The following CECR2 variants were observed in gnomAD, a reference collection of about 807,000 sequenced individuals.
CECR2 encodes chromatin remodeling regulator CECR2.
A neutral mutation model predicts 154.5 loss-of-function variants in CECR2; 30 were observed. The ratio of observed to expected loss-of-function variants is 0.19; its 90% confidence interval spans 0.15 to 0.26. The LOEUF is 0.26. Ranked by LOEUF, CECR2 falls within the 10% of genes least tolerant of loss-of-function variation. CECR2 has a pLI of 1.00. For synonymous variants in CECR2, 725 were observed against 683.7 expected, an observed-to-expected ratio of 1.06 and a Z score of -0.94; for missense variants, 1,743 against 1,829.3, an observed-to-expected ratio of 0.95 and a Z score of 0.86.
chr22:17,449,470 T>C (rs899621549), intron 1 of CECR2, among the ~76,000 whole-genome samples: 3 of 149,808 alleles, frequency 2.0e-5, no homozygotes, highest in African/African-American at 7.4e-5. Context: ...GCACATCTAA[T>C]TGGTAACCAG....
chr22:17,539,354 T>A (rs887205726), intron 13 of CECR2, among the ~76,000 whole-genome samples: 1 of 152,032 alleles, frequency 6.6e-6, no homozygotes, highest in Non-Finnish European at 1.5e-5. Context: ...TGGAGACCAG[T>A]CTGGGTCTGG....
intron 8 of CECR2, among the ~76,000 whole-genome samples, chr22:17,518,335 C>A (rs777868413): frequency 2.0e-5 from 3 of 152,180 alleles, no homozygotes; most frequent in Non-Finnish European, 2.9e-5. Context: ...GTCTTGAAAG[C>A]AGATGTTAGC....
Position 17,533,742 on chromosome 22 carries a change from G to A in CECR2, c.1109-3361G>A, listed in dbSNP as rs1362773554. Among the ~76,000 whole-genome samples, 5 of 149,574 alleles carry A rather than the reference G, an allele frequency of 3.3e-5. No individual in the cohort carries two copies. The East Asian group carries it at 5.9e-4, about 18-fold the overall frequency. On this transcript the variant is annotated intron_variant, in intron 9 of 18. Transcript: ENST00000262608. ...TTTGTTTGTTTGTTTTTGAGATGAC[G>A]TTTCACCCTTGTTGCCCAGGCTGGA...
chr22:17,444,365 GC>G (rs2054627656), intron 1 of CECR2, among the ~76,000 whole-genome samples: 1 of 152,140 alleles, frequency 6.6e-6, no homozygotes, highest in Admixed American at 6.6e-5. Context: ...AGTGGCTCAT[GC>G]CTGTAATCCC....
chr22:17,423,471 C>T (rs1334204158), intron 1 of CECR2, among the ~76,000 whole-genome samples: 4 of 151,312 alleles, frequency 2.6e-5, no homozygotes, highest in South Asian at 2.1e-4. Context: ...CGCGCCACTG[C>T]ACTCCAGCCT....
At chr22:17,483,747 TAGTATAGCCTA>T (rs2055370569) in intron 2 of CECR2, among the ~76,000 whole-genome samples, 1 of 152,236 alleles carries the variant, frequency 6.6e-6, no homozygotes, top group South Asian at 2.1e-4. Flanking sequence ...AAAATAAACA[TAGTATAGCCTA>T]AGTTTACAGC....
chr22:17,548,755 G>C lies in CECR2; in HGVS notation c.3468G>C (p.Gln1156His). 1 of 1,613,762 alleles carries C rather than the reference G, an allele frequency of 6.2e-7. No homozygotes were observed. ...MGGKSPASHP[Q>H]HFPPRGFQSN... ...GGAAGTCCCCAGCATCCCATCCCCA[G>C]CATTTTCCCCCAAGGGGCTTTCAGT... Residue 1156 changes from glutamine to histidine, a missense_variant, in exon 17 of 19, where the codon CAG becomes CAC. Physicochemically the swap from Gln to His is conservative, Grantham distance 24. This residue lies in a region of CECR2 where 1,250 missense variants were observed against 1,192.1 expected (regional missense o/e 1.05). Transcript: ENST00000262608.
chr22:17,498,129 G>A (rs1457529864), intron 3 of CECR2, among the ~76,000 whole-genome samples: 6 of 152,186 alleles, frequency 3.9e-5, no homozygotes, highest in Non-Finnish European at 7.3e-5. Flanking sequence ...TGTGGCTCAC[G>A]CCTGTAATCC....
chr22:17,397,197 C>T (rs2053824552), intron 1 of CECR2, among the ~76,000 whole-genome samples: 3 of 151,932 alleles, frequency 2.0e-5, no homozygotes, highest in African/African-American at 4.8e-5. Context: ...GTTGCAGTGG[C>T]GTGATCTCAG....
At chr22:17,384,920 C>G (rs1454010784) in intron 1 of CECR2, among the ~76,000 whole-genome samples, 8 of 152,206 alleles carry the variant, frequency 5.3e-5, no homozygotes, top group Non-Finnish European at 8.8e-5. Flanking sequence ...TTAGCTAGAT[C>G]TTCTGGATAA....
intron 1 of CECR2, among the ~76,000 whole-genome samples, chr22:17,463,750 TG>T (rs916583442): frequency 1.3e-5 from 2 of 148,586 alleles, no homozygotes; most frequent in Admixed American, 1.3e-4. Context: ...TGAGGAGAGG[TG>T]GGGGGGTGTA....
At chr22:17,544,677 G>T (rs1237461166) in intron 16 of CECR2, among the ~76,000 whole-genome samples, 1 of 151,432 alleles carries the variant, frequency 6.6e-6, no homozygotes, top group Non-Finnish European at 1.5e-5. Context: ...AAGCATAGTG[G>T]CAGGTGCCTG....
At chr22:17,487,617 G>A (rs1016691734) in intron 2 of CECR2, among the ~76,000 whole-genome samples, 7 of 152,184 alleles carry the variant, frequency 4.6e-5, no homozygotes, top group South Asian at 2.1e-4. Flanking sequence ...GTGTGAACCC[G>A]GGAGGCAGAG....
At chr22:17,383,750 C>A (rs1287647240) in intron 1 of CECR2, among the ~76,000 whole-genome samples, 3 of 150,226 alleles carry the variant, frequency 2.0e-5, no homozygotes, top group Non-Finnish European at 3.0e-5. Flanking sequence ...CTGCAAACTC[C>A]GCTTCCTGGG....
chr22:17,481,436 T>C (rs964585215), intron 2 of CECR2, among the ~76,000 whole-genome samples: 8 of 152,030 alleles, frequency 5.3e-5, no homozygotes, highest in Non-Finnish European at 1.2e-4. Flanking sequence ...AGTAAAGTTA[T>C]TATGAGGATT....
chr22:17,391,216 A>C (rs2063322431), intron 1 of CECR2, among the ~76,000 whole-genome samples: 1 of 152,244 alleles, frequency 6.6e-6, no homozygotes, highest in Non-Finnish European at 1.5e-5. Flanking sequence ...GTTCACACTG[A>C]AATATCCTCA....
In CECR2 at chr22:17,519,794, C is replaced by CT. The variant is rs695788; in HGVS notation, c.955-4309dup. 9.9e-3 allele frequency among the ~76,000 whole-genome samples: 1,366 copies of CT among 137,940 alleles called. 24 individuals carry two copies. The highest frequency in any genetic ancestry group is 0.029 in the African/African-American group (1,071 of 37,556). The allele number at this position is 137,940 out of a possible 152,430, so 90.5% of individuals were successfully genotyped here. ...CCTATGTTGGTTTAGATTATCAAGT[C>CT]TTTTTTTTTTTTTTTGAGACATAAT... On this transcript the variant is annotated intron_variant, in intron 8 of 18. Coordinates refer to ENST00000262608, the MANE Select transcript of CECR2 (RefSeq NM_001290047.2).
chr22:17,495,135 A>C (rs551016159), intron 2 of CECR2, among the ~76,000 whole-genome samples: 120 of 152,374 alleles, frequency 7.9e-4, no homozygotes, highest in African/African-American at 2.7e-3. Flanking sequence ...TAACTTCTTT[A>C]GGCCTCTTTG....
intron 1 of CECR2, among the ~76,000 whole-genome samples, chr22:17,455,633 A>T (rs1285890447): frequency 6.6e-6 from 1 of 152,174 alleles, no homozygotes; most frequent in Non-Finnish European, 1.5e-5. Flanking sequence ...TTTTGTTTGT[A>T]AGACAGAGTC....
Sources: allele counts gnomAD v4.1 joint callset (sites outside exome capture counted in the v4.1 genomes callset), GRCh38; gene constraint gnomAD v4.1.1; regional missense constraint gnomAD v4.1.1; transcripts MANE v1.5; gene names NCBI Gene and HGNC (gene_info 2026-07-23, HGNC 2026-07-21).